Variants in SETD5 observed in about 807,000 individuals in gnomAD.
SETD5 encodes the protein histone-lysine N-methyltransferase SETD5.
Under a neutral mutation model 153.3 loss-of-function variants are expected in SETD5, and 44 were observed. The ratio of observed to expected loss-of-function variants is 0.29; its 90% CI spans 0.23 to 0.37. The LOEUF (loss-of-function observed/expected upper bound fraction) is 0.37. Ranked by LOEUF, SETD5 falls within the 10% of genes least tolerant of loss-of-function variation. SETD5 has a pLI of 1.00. For synonymous variants in SETD5, 716 were observed against 645.2 expected (o/e 1.11, Z -1.66); for missense variants, 1,544 against 1,768.0 (o/e 0.87, Z 2.27).
intron 18 of SETD5, among the ~76,000 whole-genome samples, chr3:9,469,724 T>C (rs1269565342): frequency 1.3e-5 from 2 of 152,230 alleles, no homozygotes; most frequent in Non-Finnish European, 2.9e-5. Context: ...TTGGAGGTTA[T>C]GATAACCAAA....
intron 17 of SETD5, among the ~76,000 whole-genome samples, chr3:9,456,495 AAAC>A (rs1437687274): frequency 6.6e-6 from 1 of 151,732 alleles, no homozygotes; most frequent in Non-Finnish European, 1.5e-5. Context: ...AAAAAAAAAA[AAAC>A]AAGTCTCTGA....
rs113593115 is a variant in SETD5, at chr3:9,464,646, C to T, written c.2698C>T (p.Arg900Cys). Reference protein sequence around the residue: ...SPVTSLTTASRCNTPLQFELC... With the variant: ...SPVTSLTTASCCNTPLQFELC... ...AGTCACATCTCTTACTACTGCTAGTCGCTGCAACACTCCTCTACAGTTTGA... is the reference window on the plus strand; with the variant it reads ...AGTCACATCTCTTACTACTGCTAGTTGCTGCAACACTCCTCTACAGTTTGA... Residue 900 changes from arginine to cysteine, a missense_variant, in exon 18 of 23, where the codon CGC (arginine) becomes TGC (cysteine). By Grantham distance (180) the Arg-to-Cys change is radical. Coordinates refer to ENST00000402198, the MANE Select transcript of SETD5 (RefSeq NM_001080517.3). 15 of 1,613,812 alleles carry T rather than the reference C, an allele frequency of 9.3e-6. No individual in the cohort carries two copies. In the Admixed American group the frequency reaches 1.2e-4, roughly 13 times the overall value.
In SETD5 at chr3:9,434,955, C is replaced by T; in HGVS notation, c.388+73C>T. ...GTGATCTGAATGTTCATTTTAAGAACCCCTCTTGGCCAGGCGCAGTGGCTT... is the reference window on the plus strand; with the variant it reads ...GTGATCTGAATGTTCATTTTAAGAATCCCTCTTGGCCAGGCGCAGTGGCTT... On this transcript the variant is annotated intron_variant, in intron 6 of 22. Coordinates refer to ENST00000402198, the MANE Select transcript of SETD5 (RefSeq NM_001080517.3). This position sits in a 1 kb window ranked among gnomAD's most constrained non-coding sequence, Gnocchi z 5.6. The T allele has an allele frequency of 2.0e-6, 3 of 1,535,088 alleles. No individual in the cohort carries two copies. In the South Asian group the frequency reaches 3.7e-5, roughly 19 times the overall value.
intron 1 of SETD5, among the ~76,000 whole-genome samples, chr3:9,422,186 G>A (rs1475064040): frequency 6.6e-6 from 1 of 152,148 alleles, no homozygotes; most frequent in Non-Finnish European, 1.5e-5. Context: ...TTAGTAAATC[G>A]TGGCTAATAA....
chr3:9,468,081 A>G (rs891106993), intron 18 of SETD5, among the ~76,000 whole-genome samples: 2 of 150,950 alleles, frequency 1.3e-5, no homozygotes, highest in African/African-American at 4.9e-5. Flanking sequence ...ATAAGAGAAT[A>G]AAGAAATGTG....
chr3:9,440,850 G>T (rs917173901), intron 8 of SETD5, among the ~76,000 whole-genome samples, 152 bp downstream of exon 8: 5 of 152,028 alleles, frequency 3.3e-5, no homozygotes, highest in Non-Finnish European at 7.4e-5. Flanking sequence ...CCAAAAGTAG[G>T]TTATATTAAC....
intron 18 of SETD5, among the ~76,000 whole-genome samples, chr3:9,468,244 C>G (rs1443004763): frequency 6.6e-6 from 1 of 152,030 alleles, no homozygotes; most frequent in Non-Finnish European, 1.5e-5. Flanking sequence ...CTAACTCTTT[C>G]CTTGTATGTG....
intron 17 of SETD5, among the ~76,000 whole-genome samples, chr3:9,464,005 G>A (rs917324711): frequency 2.0e-5 from 3 of 152,184 alleles, no homozygotes; most frequent in South Asian, 2.1e-4. Flanking sequence ...GTGCATGCCT[G>A]TAATCCCAGC....
chr3:9,471,009 A>C (rs534726739), intron 19 of SETD5, 80 bp downstream of exon 19: 1 of 738,858 alleles, frequency 1.4e-6, no homozygotes, highest in East Asian at 2.7e-5. Flanking sequence ...AGTTTCTGCT[A>C]TGTGTTCCGC....
At chr3:9,402,123 A>G (rs1444957179) in intron 1 of SETD5, among the ~76,000 whole-genome samples, 1 of 152,178 alleles carries the variant, frequency 6.6e-6, no homozygotes, top group Non-Finnish European at 1.5e-5. Flanking sequence ...ACTTGTCTAT[A>G]TACATTTTGT....
At chr3:9,398,632 T>C (rs2034169294) in intron 1 of SETD5, 1 of 152,272 alleles carries the variant, frequency 6.6e-6, no homozygotes, top group South Asian at 2.1e-4. Flanking sequence ...AGCCAGATTG[T>C]GTCGTTTTAC....
In SETD5 at chr3:9,467,199, C is replaced by CAAAAAAA. The variant is rs35894304; in HGVS notation, c.2724+2546_2724+2552dup. 1.8e-3 allele frequency among the ~76,000 whole-genome samples: 74 copies of CAAAAAAA among 40,858 alleles called. 1 individual carries two copies. Among genetic ancestry groups the CAAAAAAA allele is most frequent in the African/African-American group, 4.7e-3 (66 of 14,074 alleles). The allele number at this position is 40,858 out of a possible 152,430, so 26.8% of individuals were successfully genotyped here. A position where few individuals can be genotyped will look rare whatever the true frequency, so the allele number is the denominator to read the frequency against. Reference sequence around the variant, plus strand: ...TGGGCAACAGAGGGAGACTCTCTCTCAAAAAAAAAAAAAAAAAAAAAAAAA... The same window carrying CAAAAAAA: ...TGGGCAACAGAGGGAGACTCTCTCTCAAAAAAAAAAAAAAAAAAAAAAAAAAAAAAAA... On this transcript the variant is annotated intron_variant, in intron 18 of 22. Coordinates refer to ENST00000402198, the MANE Select transcript of SETD5 (RefSeq NM_001080517.3).
intron 12 of SETD5, 30 bp downstream of exon 12, chr3:9,445,330 A>G: frequency 6.3e-7 from 1 of 1,586,930 alleles, no homozygotes; most frequent in South Asian, 1.1e-5. Flanking sequence ...TGATGATGCT[A>G]TGGCATCAAT....
chr3:9,433,759 G>A lies in SETD5; in HGVS notation c.72-86G>A, dbSNP rs932458884. On this transcript the variant is annotated intron_variant, in intron 3 of 22. Transcript: ENST00000402198. ...CTAGTGGCTAGTGGTTGTGGAAAGA[G>A]GAGGGGTTAGAATGGGAAATGAAGT... 8.2e-6 allele frequency: 11 copies of A among 1,343,390 alleles called. No individual in the cohort carries two copies. The African/African-American group carries it at 1.4e-4, about 18-fold the overall frequency. The allele number at this position is 1,343,390 out of a possible 1,614,324, so 83.2% of individuals were successfully genotyped here. A position where few individuals can be genotyped will look rare whatever the true frequency, so the allele number is the denominator to read the frequency against.
intron 17 of SETD5, among the ~76,000 whole-genome samples, chr3:9,455,949 G>A (rs531388186): frequency 3.3e-5 from 5 of 152,244 alleles, no homozygotes; most frequent in South Asian, 4.1e-4. Context: ...AAAAAGCAAT[G>A]TAGGAAAATA....
At position 9,473,467 on chromosome 3, in the gene SETD5, G is replaced by A; in HGVS notation, c.3427G>A (p.Val1143Ile). The stretch of plus-strand genomic sequence containing the variant: ...TTCCTCTATGTCCCATTTGGAGGCG[G>A]TAAGCCCATCAGATTCCAGAGGCAC... ...SHSSMSHLEA[V>I]SPSDSRGTSS... The change falls in exon 20 of 23, where the codon GTA becomes ATA. Residue 1143 changes from valine to isoleucine, a missense_variant. By Grantham distance (29) the Val-to-Ile change is conservative. This residue lies in a region of SETD5 where 93 missense variants were observed against 93.4 expected (regional missense o/e 1.00). Coordinates refer to ENST00000402198, the MANE Select transcript of SETD5 (RefSeq NM_001080517.3). The A allele has an allele frequency of 2.5e-6, 4 of 1,613,804 alleles. No individual in the cohort carries two copies. The highest frequency in any genetic ancestry group is 3.4e-6 in the Non-Finnish European group (4 of 1,179,824).
intron 16 of SETD5, among the ~76,000 whole-genome samples, 166 bp downstream of exon 16, chr3:9,448,796 C>T (rs2042301629): frequency 6.6e-6 from 1 of 152,124 alleles, no homozygotes. Context: ...ACTGATTCAT[C>T]AAGAGTCTGT....
intron 8 of SETD5, 91 bp downstream of exon 8, chr3:9,440,789 A>G (rs2041182293): frequency 2.1e-6 from 3 of 1,445,714 alleles, no homozygotes; most frequent in Non-Finnish European, 2.8e-6. Flanking sequence ...GTTCCTTCCA[A>G]ATGTACAAGG....
chr3:9,437,217 T>C (rs2040675957), intron 7 of SETD5, among the ~76,000 whole-genome samples: 1 of 152,166 alleles, frequency 6.6e-6, no homozygotes, highest in South Asian at 2.1e-4. Flanking sequence ...GGAGTTTTTC[T>C]GGTAATGATA....
Sources: allele counts gnomAD v4.1 joint callset (sites outside exome capture counted in the v4.1 genomes callset), GRCh38; gene constraint gnomAD v4.1.1; regional missense constraint gnomAD v4.1.1; non-coding constraint Gnocchi (gnomAD v3.1); transcripts MANE v1.5; gene names NCBI Gene and HGNC (gene_info 2026-07-23, HGNC 2026-07-21).